RYR3: variants seen among roughly 807,000 people sequenced by gnomAD.
The protein encoded by RYR3 is ryanodine receptor 3, also known as brain ryanodine receptor-calcium release channel.
A neutral mutation model predicts 584.3 loss-of-function variants in RYR3; 207 were observed. That is an observed-to-expected ratio of 0.35 (90% CI 0.32 to 0.40). RYR3 has a LOEUF of 0.40. Among genes scored for constraint, RYR3 ranks in the 10% least tolerant of loss-of-function variants. The pLI is 1.00. For missense variants in RYR3, 5,616 were observed against 6,089.2 expected (o/e 0.92, Z 2.59); for synonymous variants, 2,416 against 2,248.5 (o/e 1.07, Z -2.11).
In RYR3 at chr15:33,841,907, C is replaced by G. The variant is rs2078392462; in HGVS notation, c.13081C>G (p.Gln4361Glu). 8 of 1,596,662 alleles carry G rather than the reference C, an allele frequency of 5.0e-6. No homozygotes were observed. The highest frequency in any genetic ancestry group is 6.8e-6 in the Non-Finnish European group (8 of 1,171,582). ...GGAAGACAAAGACAAAGAAGAGGAG[C>G]AAGCTGAGTACCTGTGGACAGAAGT... ...EKEDKDKEEE[Q>E]AEYLWTEVTK... Residue 4361 changes from glutamine to glutamate, a missense_variant, in exon 91 of 104, where the codon CAA becomes GAA. Physicochemically the swap from Gln to Glu is conservative, Grantham distance 29. Around this residue, in one of 9 missense-constraint regions of RYR3, gnomAD observed 918 missense variants for 887.4 expected, o/e 1.03. Coordinates refer to ENST00000634891, the MANE Select transcript of RYR3 (RefSeq NM_001036.6).
At chr15:33,332,016 C>G (rs1970430363) in intron 1 of RYR3, among the ~76,000 whole-genome samples, 1 of 151,656 alleles carries the variant, frequency 6.6e-6, no homozygotes, top group African/African-American at 2.4e-5. Context: ...CTAGACTATC[C>G]AGGAAGAAAG....
chr15:33,816,851 C>G lies in RYR3; in HGVS notation c.10503-11C>G. On this transcript the variant is annotated splice_polypyrimidine_tract_variant and intron_variant, in intron 74 of 103. Transcript: ENST00000634891. ...ATCCCTCTTGACCTCCCTCTCACCC[C>G]TTCCGCTCAGGCACCGCTCTATTAA... The G allele has an allele frequency of 6.3e-7, 1 of 1,599,354 alleles. No homozygotes were observed. The highest frequency in any genetic ancestry group is 2.2e-5 in the East Asian group (1 of 44,722).
At chr15:33,437,897 A>AT (rs1398795935) in intron 1 of RYR3, among the ~76,000 whole-genome samples, 1 of 152,038 alleles carries the variant, frequency 6.6e-6, no homozygotes, top group African/African-American at 2.4e-5. Context: ...TATTTTTTAA[A>AT]TTTTTTGTAG....
chr15:33,358,192 A>G (rs1327872243), intron 1 of RYR3, among the ~76,000 whole-genome samples: 2 of 152,204 alleles, frequency 1.3e-5, no homozygotes, highest in African/African-American at 4.8e-5. Flanking sequence ...TAAAGTGAGG[A>G]TAATAATGCC....
intron 81 of RYR3, among the ~76,000 whole-genome samples, chr15:33,825,337 A>C (rs1052936207): frequency 1.3e-5 from 2 of 152,214 alleles, no homozygotes; most frequent in Non-Finnish European, 2.9e-5. Flanking sequence ...CAAAAGACTC[A>C]AACTGGACAG....
intron 102 of RYR3, among the ~76,000 whole-genome samples, chr15:33,863,196 C>A (rs750506155): frequency 6.6e-6 from 1 of 152,104 alleles, no homozygotes; most frequent in Non-Finnish European, 1.5e-5. Context: ...CGTGTTTGAG[C>A]CTCCCACCTA....
At chr15:33,691,625 C>T (rs1171175434) in intron 38 of RYR3, among the ~76,000 whole-genome samples, 1 of 152,184 alleles carries the variant, frequency 6.6e-6, no homozygotes, top group African/African-American at 2.4e-5. Flanking sequence ...AACTCCATCA[C>T]ACAAGTACTT....
At chr15:33,815,674 C>T (rs554431360) in intron 74 of RYR3, among the ~76,000 whole-genome samples, 4 of 152,288 alleles carry the variant, frequency 2.6e-5, no homozygotes, top group Non-Finnish European at 4.4e-5. Flanking sequence ...GATTTCATAA[C>T]AACAGAGAAG....
In RYR3 at chr15:33,724,138, C is replaced by G; in HGVS notation, c.6874C>G (p.Leu2292Val). The change falls in exon 45 of 104, where the codon CTT (leucine) becomes GTT (valine). Residue 2292 changes from leucine (L) to valine (V), a missense_variant. Physicochemically the swap from Leu to Val is conservative, Grantham distance 32 (BLOSUM62 1). Around this residue, in one of 9 missense-constraint regions of RYR3, gnomAD observed 1,280 missense variants for 1,426.2 expected, o/e 0.90. Coordinates refer to ENST00000634891, the MANE Select transcript of RYR3 (RefSeq NM_001036.6). ...GNAIMSFYSA[L>V]IDLLGRCAPE... ...TGCAATTATGTCATTTTATTCGGCCCTTATAGATCTACTGGGCCGCTGTGC... is the reference window on the plus strand; with the variant it reads ...TGCAATTATGTCATTTTATTCGGCCGTTATAGATCTACTGGGCCGCTGTGC... The G allele has an allele frequency of 1.2e-6, 2 of 1,612,324 alleles. No homozygotes were observed. Among genetic ancestry groups the G allele is most frequent in the Non-Finnish European group, 1.7e-6 (2 of 1,178,658 alleles).
At chr15:33,710,527 C>A (rs759139543) in intron 43 of RYR3, among the ~76,000 whole-genome samples, 1 of 151,980 alleles carries the variant, frequency 6.6e-6, no homozygotes, top group African/African-American at 2.4e-5. Context: ...TGGAGGGTGG[C>A]TCCCCACAGC....
intron 67 of RYR3, among the ~76,000 whole-genome samples, chr15:33,794,334 T>TAACATATA (rs1216564897): frequency 1.0e-4 from 9 of 87,042 alleles, no homozygotes; most frequent in East Asian, 3.3e-4. Context: ...TTTATATATG[T>TAACATATA]TTATATATAT....
At chr15:33,414,840 C>T (rs1463214271) in intron 1 of RYR3, among the ~76,000 whole-genome samples, 1 of 152,148 alleles carries the variant, frequency 6.6e-6, no homozygotes, top group Non-Finnish European at 1.5e-5. Context: ...GATCCGCCCA[C>T]CTAAGGCCTC....
At chr15:33,357,927 A>G (rs1477106008) in intron 1 of RYR3, among the ~76,000 whole-genome samples, 1 of 152,228 alleles carries the variant, frequency 6.6e-6, no homozygotes, top group African/African-American at 2.4e-5. Flanking sequence ...TACTAGAAGG[A>G]GGGCTGTGTC....
intron 1 of RYR3, among the ~76,000 whole-genome samples, chr15:33,381,463 C>T (rs759919333): frequency 1.1e-4 from 16 of 152,148 alleles, no homozygotes; most frequent in South Asian, 4.2e-4. Context: ...CTCAGTTCAG[C>T]CTTCTTTCCA....
intron 1 of RYR3, among the ~76,000 whole-genome samples, chr15:33,339,863 T>G (rs1363768974): frequency 2.8e-5 from 4 of 141,346 alleles, no homozygotes; most frequent in Non-Finnish European, 4.5e-5. Context: ...CACTCCAGCC[T>G]GGGCGACAGA....
At chr15:33,661,851 C>T (rs190905557) in intron 34 of RYR3, among the ~76,000 whole-genome samples, 91 of 152,290 alleles carry the variant, frequency 6.0e-4, no homozygotes, top group South Asian at 1.0e-3. Flanking sequence ...CAAGTCATCA[C>T]TCTCATATAT....
intron 102 of RYR3, 48 bp downstream of exon 102, chr15:33,861,226 A>C: frequency 7.2e-7 from 1 of 1,382,720 alleles, no homozygotes; most frequent in Non-Finnish European, 1.0e-6. Flanking sequence ...AGCGTAAATA[A>C]AGCCAATTAG....
At chr15:33,597,413 G>A (rs756157294) in intron 16 of RYR3, among the ~76,000 whole-genome samples, 2 of 152,026 alleles carry the variant, frequency 1.3e-5, no homozygotes, top group Non-Finnish European at 2.9e-5. Context: ...TCAGGAGTTC[G>A]AAACCAGCCT....
intron 38 of RYR3, among the ~76,000 whole-genome samples, chr15:33,678,706 T>C (rs746727111): frequency 6.6e-6 from 1 of 152,218 alleles, no homozygotes; most frequent in African/African-American, 2.4e-5. Context: ...TCCTGCTGTT[T>C]CCTGTGGAGC....
Sources: allele counts gnomAD v4.1 joint callset (sites outside exome capture counted in the v4.1 genomes callset), GRCh38; gene constraint gnomAD v4.1.1; regional missense constraint gnomAD v4.1.1; transcripts MANE v1.5; gene names NCBI Gene and HGNC (gene_info 2026-07-23, HGNC 2026-07-21).